The following TMEFF2 variants were observed in gnomAD, a reference collection of about 807,000 sequenced individuals.
The protein encoded by TMEFF2 is tomoregulin-2.
In TMEFF2, 28 loss-of-function variants were observed where a neutral mutation model predicts 53.8. The observed-to-expected ratio is 0.52, with a 90% CI of 0.39 to 0.71. The LOEUF is 0.71. Ranked by LOEUF, TMEFF2 falls within the 30% of genes least tolerant of loss-of-function variation. The probability of loss-of-function intolerance (pLI) is 0.00; values close to 1 mark genes in which losing one functional copy is unlikely to be tolerated. For synonymous variants in TMEFF2, 162 were observed against 166.3 expected (o/e 0.97, Z 0.20); for missense variants, 353 against 455.2 (o/e 0.78, Z 2.04).
intron 4 of TMEFF2, among the ~76,000 whole-genome samples, chr2:192,096,049 G>T (rs1438475367): frequency 6.6e-6 from 1 of 152,100 alleles, no homozygotes; most frequent in African/African-American, 2.4e-5. Context: ...TGGTATTATG[G>T]GAATTTAAAA....
chr2:192,090,854 A>AT (rs376304768), intron 4 of TMEFF2, among the ~76,000 whole-genome samples: 199 of 152,212 alleles, frequency 1.3e-3, no homozygotes, highest in African/African-American at 4.5e-3. Flanking sequence ...TTATATGTGG[A>AT]TTTTTTATAG....
At chr2:191,999,258 A>G (rs1300183703) in intron 5 of TMEFF2, 50 bp from the exon 6 acceptor site, 1 of 1,414,038 alleles carries the variant, frequency 7.1e-7, no homozygotes, top group Non-Finnish European at 9.5e-7. Flanking sequence ...TGTTGTTACC[A>G]CATTATAAAT....
intron 5 of TMEFF2, among the ~76,000 whole-genome samples, chr2:192,025,373 A>AG (rs1024613564): frequency 1.0e-4 from 6 of 58,984 alleles, no homozygotes; most frequent in South Asian, 1.2e-3. Context: ...AGCTAACAGA[A>AG]GGGTTTTTTT....
At chr2:191,973,051 A>G (rs532430257) in intron 7 of TMEFF2, among the ~76,000 whole-genome samples, 44 of 152,328 alleles carry the variant, frequency 2.9e-4, no homozygotes, top group Admixed American at 9.2e-4. Context: ...GTAATTGTCT[A>G]CGAAGAATTT....
intron 4 of TMEFF2, among the ~76,000 whole-genome samples, chr2:192,168,295 T>C (rs1023372225): frequency 2.0e-5 from 3 of 152,096 alleles, no homozygotes; most frequent in African/African-American, 7.2e-5. Flanking sequence ...ACTATCATTA[T>C]AACTCCTTGA....
At chr2:192,014,533 C>T (rs1334381767) in intron 5 of TMEFF2, among the ~76,000 whole-genome samples, 2 of 152,150 alleles carry the variant, frequency 1.3e-5, no homozygotes, top group Non-Finnish European at 2.9e-5. Flanking sequence ...ACCTATCCTT[C>T]AAAATATGAC....
At chr2:192,106,472 T>C (rs1477259833) in intron 4 of TMEFF2, among the ~76,000 whole-genome samples, 1 of 151,804 alleles carries the variant, frequency 6.6e-6, no homozygotes, top group Non-Finnish European at 1.5e-5. Flanking sequence ...AAAGTTACCA[T>C]TTCATGTTAT....
At chr2:191,969,568 G>A (rs889269890) in intron 7 of TMEFF2, among the ~76,000 whole-genome samples, 4 of 152,246 alleles carry the variant, frequency 2.6e-5, no homozygotes, top group African/African-American at 9.6e-5. Context: ...AGACAAGAAG[G>A]ATATCCATGA....
chr2:192,163,320 T>A (rs777870146), intron 4 of TMEFF2, among the ~76,000 whole-genome samples: 8 of 152,026 alleles, frequency 5.3e-5, no homozygotes, highest in South Asian at 4.1e-4. Flanking sequence ...ACAGAAAAAA[T>A]ATAATGAAAG....
chr2:192,047,800 G>A (rs1687660267), intron 5 of TMEFF2, among the ~76,000 whole-genome samples: 1 of 152,146 alleles, frequency 6.6e-6, no homozygotes, highest in Admixed American at 6.6e-5. Context: ...CCTGTTTGTA[G>A]GGAAATGTGT....
At chr2:192,076,296 TTC>T (rs1279545627) in intron 4 of TMEFF2, among the ~76,000 whole-genome samples, 3 of 152,160 alleles carry the variant, frequency 2.0e-5, no homozygotes, top group African/African-American at 7.2e-5. Context: ...GTCTCCCCTA[TTC>T]TCTTTCTTCC....
At chr2:192,037,331 A>AAGAAAAAC (rs1394365517) in intron 5 of TMEFF2, among the ~76,000 whole-genome samples, 1 of 150,600 alleles carries the variant, frequency 6.6e-6, no homozygotes, top group Non-Finnish European at 1.5e-5. Flanking sequence ...GAAAGAAAGA[A>AAGAAAAAC]AGAAAAACAG....
chr2:192,172,110 A>G (rs1481457147), intron 4 of TMEFF2, among the ~76,000 whole-genome samples: 3 of 151,866 alleles, frequency 2.0e-5, no homozygotes, highest in African/African-American at 7.3e-5. Context: ...ATGGTGATTA[A>G]TGGTGGGGTA....
At chr2:192,132,827 A>C (rs1163595548) in intron 4 of TMEFF2, among the ~76,000 whole-genome samples, 1 of 152,168 alleles carries the variant, frequency 6.6e-6, no homozygotes, top group Non-Finnish European at 1.5e-5. Context: ...CCACTCCCAG[A>C]GCCCCTGGAA....
intron 7 of TMEFF2, among the ~76,000 whole-genome samples, chr2:191,985,430 ATTTACCTCAG>A (rs1477271917): frequency 6.6e-6 from 1 of 152,156 alleles, no homozygotes; most frequent in Non-Finnish European, 1.5e-5. Flanking sequence ...TATCAGAGGG[ATTTACCTCAG>A]TTTTTCTTTT....
intron 7 of TMEFF2, among the ~76,000 whole-genome samples, chr2:191,967,452 C>G (rs1029328729): frequency 6.6e-6 from 1 of 152,012 alleles, no homozygotes; most frequent in African/African-American, 2.4e-5. Context: ...ATTTTAAGGG[C>G]AATGCTTCTT....
At chr2:192,140,039 C>G (rs1030348135) in intron 4 of TMEFF2, among the ~76,000 whole-genome samples, 2 of 152,104 alleles carry the variant, frequency 1.3e-5, no homozygotes, top group African/African-American at 2.4e-5. Context: ...AAACTGACTG[C>G]TATCTTTGAC....
intron 7 of TMEFF2, among the ~76,000 whole-genome samples, chr2:191,996,374 G>GATTTTTCCAAATGAATTA (rs1686221504): frequency 6.6e-6 from 1 of 151,844 alleles, no homozygotes; most frequent in South Asian, 2.1e-4. Context: ...CATTTTTGAA[G>GATTTTTCCAAATGAATTA]ATTTTTCCAA....
chr2:192,181,712 G>A (rs889642297), intron 3 of TMEFF2, among the ~76,000 whole-genome samples: 1 of 151,484 alleles, frequency 6.6e-6, no homozygotes, highest in African/African-American at 2.4e-5. Flanking sequence ...ATATGACTGG[G>A]GAAAATCAGA....
Sources: allele counts gnomAD v4.1 joint callset (sites outside exome capture counted in the v4.1 genomes callset), GRCh38; gene constraint gnomAD v4.1.1; transcripts MANE v1.5; gene names NCBI Gene and HGNC (gene_info 2026-07-23, HGNC 2026-07-21).